CD226: variants seen among roughly 807,000 people sequenced by gnomAD.
CD226 encodes CD226 molecule, also known as CD226 antigen.
In CD226, 24 loss-of-function variants were observed where a neutral mutation model predicts 34.9. The ratio of observed to expected loss-of-function variants is 0.69; its 90% confidence interval spans 0.50 to 0.97. The LOEUF (loss-of-function observed/expected upper bound fraction) is 0.97, where lower values mean the gene tolerates loss of function less well. Ranked by LOEUF, CD226 falls within the 50% of genes least tolerant of loss-of-function variation. The pLI, the probability that CD226 is intolerant of heterozygous loss-of-function variation, is 0.00. For missense variants in CD226, 397 were observed against 412.7 expected (o/e 0.96, Z 0.33); for synonymous variants, 148 against 147.4 (o/e 1.00, Z -0.03).
intron 2 of CD226, among the ~76,000 whole-genome samples, chr18:69,937,275 CA>C (rs1288201827): frequency 1.3e-5 from 2 of 152,086 alleles, no homozygotes; most frequent in Non-Finnish European, 1.5e-5. Context: ...TCCTTTTGAA[CA>C]ATGAAAATTA....
Position 69,861,554 on chromosome 18 carries a change from G to GTATAGATATATATATATATA in CD226, c.*2759_*2760insTATATATATATATATCTATA, listed in dbSNP as rs1982823770. 7.8e-6 allele frequency: 1 copy of GTATAGATATATATATATATA among 127,948 alleles called. No homozygotes were observed. The highest frequency in any genetic ancestry group is 2.4e-4 in the East Asian group (1 of 4,218). 7.9% of individuals were successfully genotyped at this position (127,948 alleles called of 1,614,324 possible). ...ATAAATTATATGTGTATATATATAT[G>GTATAGATATATATATATATA]TATATATATATATATATATGTAAAA... On this transcript the variant is annotated 3_prime_UTR_variant, in exon 6 of 6. Coordinates refer to ENST00000582621, the MANE Select transcript of CD226 (RefSeq NM_001303618.2).
At chr18:69,878,382 T>C (rs1454149677) in intron 3 of CD226, among the ~76,000 whole-genome samples, 1 of 152,224 alleles carries the variant, frequency 6.6e-6, no homozygotes, top group Non-Finnish European at 1.5e-5. Context: ...TGTGACCCTC[T>C]AGGCTAAGTT....
rs1461284851 is a variant in CD226, at chr18:69,857,613, AAAGT to A, written c.*6697_*6700del. The A allele has an allele frequency of 6.6e-6, 1 of 152,252 alleles. No homozygotes were observed. Among genetic ancestry groups the A allele is most frequent in the Non-Finnish European group, 1.5e-5 (1 of 68,034 alleles). 9.4% of individuals were successfully genotyped at this position (152,252 alleles called of 1,614,324 possible). On this transcript the variant is annotated 3_prime_UTR_variant, in exon 6 of 6. Transcript: ENST00000582621. ...ATTATGTAAATTTTGAAGAATGAAGAAAGTAAGTTATCATAGCTTCTTCTCAAGT... is the reference window on the plus strand; with the variant it reads ...ATTATGTAAATTTTGAAGAATGAAGAAAGTTATCATAGCTTCTTCTCAAGT...
In CD226 at chr18:69,867,698, T is replaced by C. The variant is rs17081743; in HGVS notation, c.831-287A>G. ...CTAAAGAATGATTTATAGTGACTTATTACATAAATGACTTATAGCTTTCTC... is the reference window on the plus strand; with the variant it reads ...CTAAAGAATGATTTATAGTGACTTACTACATAAATGACTTATAGCTTTCTC... On this transcript the variant is annotated intron_variant, in intron 4 of 5. Transcript: ENST00000582621. Among the ~76,000 whole-genome samples the C allele has an allele frequency of 4.5e-3, 681 of 152,332 alleles. 10 individuals are homozygous for C. The highest frequency in any genetic ancestry group is 0.016 in the African/African-American group (654 of 41,574).
chr18:69,938,929 T>C (rs1382755518), intron 2 of CD226, among the ~76,000 whole-genome samples: 2 of 151,962 alleles, frequency 1.3e-5, no homozygotes, highest in Non-Finnish European at 2.9e-5. Flanking sequence ...TCTACAAAAA[T>C]ACAAAAATTA....
upstream of CD226, among the ~76,000 whole-genome samples, chr18:69,951,046 G>A (rs1486875544): frequency 1.3e-5 from 2 of 150,270 alleles, no homozygotes. Context: ...TGTCCAGGCT[G>A]ATCTCAAACT....
chr18:69,878,205 A>AT (rs938249184), intron 3 of CD226, among the ~76,000 whole-genome samples: 3 of 152,100 alleles, frequency 2.0e-5, no homozygotes, highest in East Asian at 1.9e-4. Context: ...TCCAGAAGCC[A>AT]TTTTTTTGCT....
intron 2 of CD226, among the ~76,000 whole-genome samples, chr18:69,915,203 C>G (rs1171960981): frequency 6.6e-6 from 1 of 152,178 alleles, no homozygotes; most frequent in Non-Finnish European, 1.5e-5. Flanking sequence ...GGTTGACAAT[C>G]ATTGCTATTT....
chr18:69,903,092 A>G (rs930576591), intron 2 of CD226, among the ~76,000 whole-genome samples: 1 of 152,224 alleles, frequency 6.6e-6, no homozygotes, highest in Non-Finnish European at 1.5e-5. Context: ...CAGAAAGTGG[A>G]AAAATGGCAC....
Position 69,956,063 on chromosome 18 carries a change from C to A in CD226, c.-28+692G>T, listed in dbSNP as rs145322213. ...CTGCTGAGTGACCAGTAGAACCCCA[C>A]TTCCAGTCAACGCAAAGACTCCAGT... is the stretch of plus-strand genomic sequence containing the variant. On this transcript the variant is annotated intron_variant, in intron 1 of 6. Coordinates refer to the CD226 transcript ENST00000280200. Among the ~76,000 whole-genome samples the A allele has an allele frequency of 9.3e-4, 141 of 152,292 alleles. 1 individual carries two copies. The highest frequency in any genetic ancestry group is 3.4e-3 in the Middle Eastern group (1 of 294).
chr18:69,901,839 A>G (rs958088214), intron 2 of CD226, among the ~76,000 whole-genome samples: 4 of 151,646 alleles, frequency 2.6e-5, no homozygotes, highest in Non-Finnish European at 4.4e-5. Context: ...AGATCGCACC[A>G]CTGCACTCCA....
In CD226 at chr18:69,864,024, C is replaced by T; in HGVS notation, c.*290G>A. On this transcript the variant is annotated 3_prime_UTR_variant, in exon 6 of 6. Transcript: ENST00000582621. The stretch of plus-strand genomic sequence containing the variant: ...TTATGCCCATACTTAATTCTAGACA[C>T]AACATTTAAGCCCTGGTAAATAGCC... 4.2e-6 allele frequency: 1 copy of T among 238,744 alleles called. No individual in the cohort carries two copies. 14.8% of individuals were successfully genotyped at this position (238,744 alleles called of 1,614,324 possible).
upstream of CD226, among the ~76,000 whole-genome samples, chr18:69,950,803 A>C (rs1220278293): frequency 6.6e-6 from 1 of 152,126 alleles, no homozygotes; most frequent in Non-Finnish European, 1.5e-5. Flanking sequence ...ATTGTTAAGC[A>C]CCAGAATGAT....
upstream of CD226, among the ~76,000 whole-genome samples, chr18:69,949,736 CACA>C (rs768904068): frequency 2.6e-4 from 39 of 152,164 alleles, no homozygotes; most frequent in African/African-American, 4.3e-4. Flanking sequence ...CATTCACACA[CACA>C]ACATGCACCC....
chr18:69,942,555 CT>C (rs1430223639), intron 2 of CD226, among the ~76,000 whole-genome samples: 8 of 152,228 alleles, frequency 5.3e-5, no homozygotes, highest in African/African-American at 1.9e-4. Flanking sequence ...TTCTGACATT[CT>C]GCTGCCCTAG....
chr18:69,953,256 T>C (rs1325433534), intron 1 of CD226, among the ~76,000 whole-genome samples: 9 of 152,220 alleles, frequency 5.9e-5, no homozygotes, highest in Admixed American at 5.9e-4. Context: ...CCAATATTTG[T>C]AGACCAATGT....
chr18:69,859,902 G>A lies in CD226; in HGVS notation c.*4412C>T, dbSNP rs1238985906. The stretch of plus-strand genomic sequence containing the variant: ...AGTCTGACCAACGTGGAGAAACCCC[G>A]TCTCCACTAAAAATACAAAATTAGC... On this transcript the variant is annotated 3_prime_UTR_variant, in exon 6 of 6. Transcript: ENST00000582621. 5 of 151,902 alleles carry A rather than the reference G, an allele frequency of 3.3e-5. No individual in the cohort carries two copies. The highest frequency in any genetic ancestry group is 4.8e-5 in the African/African-American group (2 of 41,336). The allele number at this position is 151,902 out of a possible 1,614,324, so 9.4% of individuals were successfully genotyped here.
intron 2 of CD226, among the ~76,000 whole-genome samples, chr18:69,926,389 C>T (rs181990511): frequency 2.6e-5 from 4 of 152,176 alleles, no homozygotes; most frequent in African/African-American, 7.2e-5. Context: ...TTCCATCCAA[C>T]TTGAACAATG....
rs1485051304 is a variant in CD226, at chr18:69,863,842, A to T, written c.*472T>A. 2 of 152,864 alleles carry T rather than the reference A, an allele frequency of 1.3e-5. No homozygotes were observed. Among genetic ancestry groups the T allele is most frequent in the Admixed American group, 1.3e-4 (2 of 15,340 alleles). 9.5% of individuals were successfully genotyped at this position (152,864 alleles called of 1,614,324 possible). A position where few individuals can be genotyped will look rare whatever the true frequency, so the allele number is the denominator to read the frequency against. On this transcript the variant is annotated 3_prime_UTR_variant, in exon 6 of 6. Coordinates refer to ENST00000582621, the MANE Select transcript of CD226 (RefSeq NM_001303618.2). ...AAAAATAATCAAATTTGTTTGCTCC[A>T]TTTGAGAAGCAAACTCTCTACCAGA...
Sources: gnomAD v4.1 joint callset for allele counts (sites outside exome capture counted in the v4.1 genomes callset) on GRCh38, gnomAD v4.1.1 for gene constraint, MANE v1.5 for transcripts, NCBI Gene and HGNC (gene_info 2026-07-23, HGNC 2026-07-21) for gene names.